The following SLC15A5 variants were observed in gnomAD, a reference collection of about 807,000 sequenced individuals.
SLC15A5 encodes solute carrier family 15 member 5.
A neutral mutation model predicts 56.1 loss-of-function variants in SLC15A5; 58 were observed. The ratio of observed to expected loss-of-function variants is 1.03; its 90% CI spans 0.84 to 1.29. The LOEUF is 1.29. Among genes scored for constraint, SLC15A5 ranks in the 50% most tolerant of loss-of-function variants. SLC15A5 has a pLI of 0.00. For synonymous variants in SLC15A5, 264 were observed against 250.5 expected, an observed-to-expected ratio of 1.05 and a Z score of -0.51; for missense variants, 681 against 672.1, an observed-to-expected ratio of 1.01 and a Z score of -0.15.
chr12:16,233,796 C>T (rs1864322167), intron 5 of SLC15A5, among the ~76,000 whole-genome samples: 1 of 152,178 alleles, frequency 6.6e-6, no homozygotes, highest in Non-Finnish European at 1.5e-5. Flanking sequence ...ATCTCAGGCT[C>T]TGCTCCGGAA....
chr12:16,236,050 A>C (rs1028416330), intron 5 of SLC15A5, among the ~76,000 whole-genome samples: 43 of 152,206 alleles, frequency 2.8e-4, no homozygotes, highest in African/African-American at 9.9e-4. Context: ...TTTAAAAGCC[A>C]AGATAATTGC....
intron 3 of SLC15A5, among the ~76,000 whole-genome samples, chr12:16,251,907 G>A (rs1196175921): frequency 6.6e-6 from 1 of 151,786 alleles, no homozygotes; most frequent in African/African-American, 2.4e-5. Context: ...ATATAAAATA[G>A]AAACAAACCA....
At chr12:16,232,025 C>T (rs1452711780) in intron 5 of SLC15A5, among the ~76,000 whole-genome samples, 1 of 152,168 alleles carries the variant, frequency 6.6e-6, no homozygotes, top group African/African-American at 2.4e-5. Context: ...GTCATATCAT[C>T]CTGAGTAATA....
chr12:16,259,688 A>G (rs1054326251), intron 2 of SLC15A5, among the ~76,000 whole-genome samples: 10 of 152,242 alleles, frequency 6.6e-5, no homozygotes, highest in African/African-American at 2.4e-4. Flanking sequence ...TGTGAGTACA[A>G]TAATGGAATA....
intron 2 of SLC15A5, among the ~76,000 whole-genome samples, chr12:16,259,683 G>A (rs1864620607): frequency 1.3e-5 from 2 of 152,160 alleles, no homozygotes; most frequent in South Asian, 4.1e-4. Flanking sequence ...TGCTGTGTGA[G>A]TACAATAATG....
rs117728539 is a variant in SLC15A5, at chr12:16,194,393, G to A, written c.1544C>T (p.Ala515Val). Residue 515 changes from alanine (A) to valine (V), a missense_variant, in exon 8 of 9, where the codon GCA becomes GTA. Ala to Val is a moderately conservative substitution (Grantham distance 64). Transcript: ENST00000344941. ...CAGGACGTTCAACAATGTTAATGAT[G>A]CCAGGAAGAAGAAGAAGCTTTCTAA... is the stretch of plus-strand genomic sequence containing the variant. ...GNLESFFFFL[A>V]SLTLLNVLGF... 1.3e-3 allele frequency: 1,943 copies of A among 1,535,300 alleles called. 34 individuals carry two copies. The East Asian group carries it at 0.015, about 12-fold the overall frequency.
At chr12:16,225,089 G>A (rs1459393727) in intron 5 of SLC15A5, among the ~76,000 whole-genome samples, 2 of 152,086 alleles carry the variant, frequency 1.3e-5, no homozygotes, top group Non-Finnish European at 2.9e-5. Flanking sequence ...AGTATTCCAT[G>A]GTGTATATGT....
At chr12:16,259,137 T>TC (rs2136809325) in intron 2 of SLC15A5, among the ~76,000 whole-genome samples, 1 of 144,778 alleles carries the variant, frequency 6.9e-6, no homozygotes, top group East Asian at 2.3e-4. Flanking sequence ...GCTGAAGGAA[T>TC]CCTACTGCCT....
Position 16,196,317 on chromosome 12 carries a change from G to T in SLC15A5, c.1484-1864C>A, listed in dbSNP as rs2136238213. Among the ~76,000 whole-genome samples, 1 of 152,110 alleles carries T rather than the reference G, an allele frequency of 6.6e-6. No individual in the cohort carries two copies. The highest frequency in any genetic ancestry group is 2.1e-4 in the South Asian group (1 of 4,812). On this transcript the variant is annotated intron_variant, in intron 7 of 8. Coordinates refer to ENST00000344941, the MANE Select transcript of SLC15A5 (RefSeq NM_001170798.1). This position sits in a 1 kb window ranked among gnomAD's most constrained non-coding sequence, Gnocchi z 4.0. ...GATGAGTAAATGAAGTTCACTGAATGTTTCTCTATAAGTCTTGTCTATTGG... is the reference window on the plus strand; with the variant it reads ...GATGAGTAAATGAAGTTCACTGAATTTTTCTCTATAAGTCTTGTCTATTGG...
chr12:16,257,855 C>A lies in SLC15A5; in HGVS notation c.600G>T (p.Met200Ile). 2.0e-6 allele frequency: 3 copies of A among 1,493,916 alleles called. No homozygotes were observed. The highest frequency in any genetic ancestry group is 4.9e-5 in the Admixed American group (2 of 40,548). The allele number at this position is 1,493,916 out of a possible 1,614,324, so 92.5% of individuals were successfully genotyped here. ...MSFFNWFYWL[M>I]NLNATIVFLG... Reference sequence around the variant, plus strand: ...GAAACACAATAGTTGCATTTAGGTTCATGAGCCAATAAAACCTGGGGTATA... The same window carrying A: ...GAAACACAATAGTTGCATTTAGGTTAATGAGCCAATAAAACCTGGGGTATA... The change falls in exon 3 of 9, where the codon ATG (methionine) becomes ATT (isoleucine). Residue 200 changes from methionine (M) to isoleucine (I), a missense_variant. Met to Ile is a conservative substitution (Grantham distance 10). Transcript: ENST00000344941.
chr12:16,241,046 C>G (rs1193616047), intron 4 of SLC15A5, among the ~76,000 whole-genome samples: 1 of 152,126 alleles, frequency 6.6e-6, no homozygotes. Flanking sequence ...ATCTCCTGAC[C>G]TCGTGATCTG....
intron 5 of SLC15A5, among the ~76,000 whole-genome samples, chr12:16,228,351 T>C (rs1864262903): frequency 1.3e-5 from 2 of 152,188 alleles, no homozygotes; most frequent in Admixed American, 1.3e-4. Context: ...GAAGTAAAAG[T>C]GCTGAAAGCA....
chr12:16,269,840 G>A lies in SLC15A5; in HGVS notation c.584+2721C>T, dbSNP rs1358721427. Among the ~76,000 whole-genome samples, 1 of 152,194 alleles carries A rather than the reference G, an allele frequency of 6.6e-6. No individual in the cohort carries two copies. The highest frequency in any genetic ancestry group is 1.5e-5 in the Non-Finnish European group (1 of 68,028). On this transcript the variant is annotated intron_variant, in intron 2 of 8. Coordinates refer to ENST00000344941, the MANE Select transcript of SLC15A5 (RefSeq NM_001170798.1). The surrounding 1 kb of genome is among the most constrained non-coding windows in gnomAD (Gnocchi z 4.7). ...GTAGAGAAATGCAGAAGCAAGATTT[G>A]AGGTTAATTGTGGTAGAATTTAAAA...
chr12:16,203,730 A>C (rs894637984), intron 7 of SLC15A5, among the ~76,000 whole-genome samples: 1 of 152,178 alleles, frequency 6.6e-6, no homozygotes, highest in Non-Finnish European at 1.5e-5. Context: ...AGAAAGATGC[A>C]AAGCATAGGA....
rs911395071 is a variant in SLC15A5, at chr12:16,196,275, C to T, written c.1484-1822G>A. On this transcript the variant is annotated intron_variant, in intron 7 of 8. Coordinates refer to ENST00000344941, the MANE Select transcript of SLC15A5 (RefSeq NM_001170798.1). This position sits in a 1 kb window ranked among gnomAD's most constrained non-coding sequence, Gnocchi z 4.0. Reference sequence around the variant, plus strand: ...GTTTTATTGCTACAGTTACATGATGCCTGTATCTGGTGTTTAGATGAGTAA... The same window carrying T: ...GTTTTATTGCTACAGTTACATGATGTCTGTATCTGGTGTTTAGATGAGTAA... 3.3e-5 allele frequency among the ~76,000 whole-genome samples: 5 copies of T among 152,010 alleles called. No individual in the cohort carries two copies. The highest frequency in any genetic ancestry group is 3.3e-4 in the Admixed American group (5 of 15,238).
At chr12:16,220,781 A>G (rs1393240575) in intron 6 of SLC15A5, among the ~76,000 whole-genome samples, 1 of 152,168 alleles carries the variant, frequency 6.6e-6, no homozygotes, top group Admixed American at 6.5e-5. Context: ...CTACTCAACC[A>G]CAGAGATGCT....
chr12:16,197,638 C>G (rs1028630452), intron 7 of SLC15A5, among the ~76,000 whole-genome samples: 1 of 152,066 alleles, frequency 6.6e-6, no homozygotes, highest in Non-Finnish European at 1.5e-5. Flanking sequence ...ACTCCACAAA[C>G]CTTAGATTAT....
At chr12:16,224,378 T>C (rs1199424122) in intron 6 of SLC15A5, 36 bp downstream of exon 6, 1 of 1,526,940 alleles carries the variant, frequency 6.5e-7, no homozygotes, top group Admixed American at 2.0e-5. Flanking sequence ...AAAGGTTCAG[T>C]ATGTTCTAAC....
chr12:16,275,247 G>T (rs2136829846), intron 1 of SLC15A5, among the ~76,000 whole-genome samples: 1 of 152,140 alleles, frequency 6.6e-6, no homozygotes, highest in Middle Eastern at 3.4e-3. Context: ...GATAAGGGAA[G>T]GTGACAATTT....
Sources: allele counts gnomAD v4.1 joint callset (sites outside exome capture counted in the v4.1 genomes callset), GRCh38; gene constraint gnomAD v4.1.1; non-coding constraint Gnocchi (gnomAD v3.1); transcripts MANE v1.5; gene names NCBI Gene and HGNC (gene_info 2026-07-23, HGNC 2026-07-21).